IL23R: variants seen among roughly 807,000 people sequenced by gnomAD.
The protein encoded by IL23R is interleukin-23 receptor.
Under a neutral mutation model 56.9 loss-of-function variants are expected in IL23R, and 34 were observed. The observed-to-expected ratio is 0.60, with a 90% confidence interval of 0.45 to 0.80. The LOEUF is 0.80. Ranked by LOEUF, IL23R falls within the 30% of genes least tolerant of loss-of-function variation. The probability of loss-of-function intolerance (pLI) is 0.00; values close to 1 mark genes in which losing one functional copy is unlikely to be tolerated. For missense variants in IL23R, 635 were observed against 730.0 expected, an observed-to-expected ratio of 0.87 and a Z score of 1.50; for synonymous variants, 230 against 249.2, an observed-to-expected ratio of 0.92 and a Z score of 0.73.
intron 7 of IL23R, among the ~76,000 whole-genome samples, chr1:67,235,164 T>C (rs1485392002): frequency 6.6e-6 from 1 of 152,178 alleles, no homozygotes; most frequent in Non-Finnish European, 1.5e-5. Flanking sequence ...CATATACCCA[T>C]GGAGCAAAAG....
chr1:67,216,137 G>A (rs1392966790), intron 6 of IL23R, among the ~76,000 whole-genome samples: 2 of 152,102 alleles, frequency 1.3e-5, no homozygotes, highest in East Asian at 3.9e-4. Context: ...GTTGCGAACG[G>A]CAATCCACAC....
intron 1 of IL23R, among the ~76,000 whole-genome samples, chr1:67,153,703 T>C (rs116700297): frequency 9.3e-4 from 141 of 152,288 alleles, no homozygotes; most frequent in African/African-American, 3.2e-3. Flanking sequence ...TTTTGTTATT[T>C]ACCGAAGAGT....
chr1:67,216,647 A>G (rs1475443762), intron 6 of IL23R, among the ~76,000 whole-genome samples: 1 of 152,262 alleles, frequency 6.6e-6, no homozygotes, highest in African/African-American at 2.4e-5. Flanking sequence ...TTTGAATTTC[A>G]CATAATTTCC....
intron 9 of IL23R, among the ~76,000 whole-genome samples, chr1:67,251,382 G>A (rs189708444): frequency 2.1e-3 from 321 of 151,478 alleles, no homozygotes; most frequent in African/African-American, 7.3e-3. Flanking sequence ...AACCCAGGAG[G>A]TGGAGCTTGC....
At chr1:67,147,222 TTCTC>T (rs1405541209) in intron 1 of IL23R, among the ~76,000 whole-genome samples, 3 of 152,206 alleles carry the variant, frequency 2.0e-5, no homozygotes, top group East Asian at 3.9e-4. Flanking sequence ...AGTCTGAAGT[TTCTC>T]TCCCTGACAT....
intron 9 of IL23R, among the ~76,000 whole-genome samples, chr1:67,245,608 C>T (rs566827242): frequency 2.6e-5 from 4 of 152,234 alleles, no homozygotes; most frequent in East Asian, 3.9e-4. Context: ...TGATGGATTA[C>T]GTTTATTCAT....
At chr1:67,222,320 G>T (rs1209749394) in intron 7 of IL23R, among the ~76,000 whole-genome samples, 1 of 151,634 alleles carries the variant, frequency 6.6e-6, no homozygotes, top group Non-Finnish European at 1.5e-5. Context: ...TTTCACCATG[G>T]TGGGCAGGCT....
intron 8 of IL23R, 100 bp downstream of exon 8, chr1:67,236,902 C>A (rs897986830): frequency 1.3e-6 from 1 of 776,170 alleles, no homozygotes. Context: ...AGTTTCTGGA[C>A]AATAAGATAT....
chr1:67,249,043 T>G (rs1030669045), intron 9 of IL23R, among the ~76,000 whole-genome samples: 2 of 152,038 alleles, frequency 1.3e-5, no homozygotes, highest in Admixed American at 1.3e-4. Context: ...CAGATGGAAA[T>G]GCAGAAATAA....
At chr1:67,229,638 A>G (rs931955142) in intron 7 of IL23R, among the ~76,000 whole-genome samples, 2 of 152,172 alleles carry the variant, frequency 1.3e-5, no homozygotes, top group Non-Finnish European at 2.9e-5. Flanking sequence ...CTGAAACTAC[A>G]TAGGGGCGGC....
intron 7 of IL23R, among the ~76,000 whole-genome samples, chr1:67,223,977 C>T (rs1650459979): frequency 2.0e-5 from 3 of 151,464 alleles, no homozygotes; most frequent in African/African-American, 4.8e-5. Context: ...TGCTTTTTAC[C>T]GAATCTTTAA....
At chr1:67,157,644 G>C (rs1167776764) in intron 1 of IL23R, among the ~76,000 whole-genome samples, 1 of 152,112 alleles carries the variant, frequency 6.6e-6, no homozygotes, top group African/African-American at 2.4e-5. Flanking sequence ...AAATGCTCTT[G>C]TCCAAATTAA....
chr1:67,156,227 C>T (rs962450520), intron 1 of IL23R, among the ~76,000 whole-genome samples: 1 of 152,288 alleles, frequency 6.6e-6, no homozygotes, highest in South Asian at 2.1e-4. Context: ...AGGTGTCTGT[C>T]GACCCCCGTT....
intron 9 of IL23R, among the ~76,000 whole-genome samples, chr1:67,255,059 A>C (rs1334326074): frequency 6.6e-6 from 1 of 152,218 alleles, no homozygotes. Context: ...CCTATTTGAA[A>C]TAATTACAAA....
chr1:67,143,247 CT>C (rs1646654035), intron 1 of IL23R, among the ~76,000 whole-genome samples: 1 of 152,082 alleles, frequency 6.6e-6, no homozygotes, highest in Non-Finnish European at 1.5e-5. Flanking sequence ...TAACATAGTG[CT>C]GGGGAGGATT....
intron 6 of IL23R, chr1:67,207,562 A>G (rs1200410336): frequency 3.4e-5 from 12 of 347,964 alleles, no homozygotes; most frequent in Admixed American, 3.0e-4. Flanking sequence ...GTGATAGTGA[A>G]TAAGTCTCAC....
At chr1:67,233,022 CTG>C (rs1189091676) in intron 7 of IL23R, among the ~76,000 whole-genome samples, 1 of 151,836 alleles carries the variant, frequency 6.6e-6, no homozygotes, top group Non-Finnish European at 1.5e-5. Flanking sequence ...ACATGTGGAA[CTG>C]TGAGTCAATT....
intron 6 of IL23R, among the ~76,000 whole-genome samples, chr1:67,216,155 C>T (rs1304146857): frequency 6.6e-6 from 1 of 152,172 alleles, no homozygotes; most frequent in Non-Finnish European, 1.5e-5. Flanking sequence ...CACCTACTTC[C>T]GTATACTCTG....
rs559787680 is a variant in IL23R, at chr1:67,249,647, A to G, written c.1149-6190A>G. 3.3e-5 allele frequency among the ~76,000 whole-genome samples: 5 copies of G among 152,264 alleles called. No individual in the cohort carries two copies. The South Asian group carries it at 1.0e-3, about 32-fold the overall frequency. On this transcript the variant is annotated intron_variant, in intron 9 of 10. Transcript: ENST00000347310. ...ACATTGTTTTTATTTTGACAATCCC[A>G]TGTAACTAAACATGTCAGATAATCC...
Sources: gnomAD v4.1 joint callset for allele counts (sites outside exome capture counted in the v4.1 genomes callset) on GRCh38, gnomAD v4.1.1 for gene constraint, MANE v1.5 for transcripts, NCBI Gene and HGNC (gene_info 2026-07-23, HGNC 2026-07-21) for gene names.